CACNA1C: variants seen among roughly 807,000 people sequenced by gnomAD.
CACNA1C encodes the protein calcium voltage-gated channel subunit alpha1 C.
CACNA1C carries 30 observed loss-of-function variants against 229.0 expected under a neutral mutation model. That is an observed-to-expected ratio of 0.13 (90% CI 0.10 to 0.18). The LOEUF (loss-of-function observed/expected upper bound fraction) is 0.18, where lower values mean the gene tolerates loss of function less well. CACNA1C is among the 10% of genes least tolerant of loss of function. The pLI is 1.00. For missense variants in CACNA1C, 1,658 were observed against 2,845.0 expected, an observed-to-expected ratio of 0.58 and a Z score of 9.49; for synonymous variants, 1,114 against 1,132.5, an observed-to-expected ratio of 0.98 and a Z score of 0.33.
intron 3 of CACNA1C, among the ~76,000 whole-genome samples, chr12:2,378,834 CT>C (rs939047912): frequency 1.3e-5 from 2 of 151,824 alleles, no homozygotes; most frequent in African/African-American, 4.8e-5. Flanking sequence ...CTCTTTCCTT[CT>C]TTTTTTCTTT....
At chr12:2,202,322 A>C in intron 3 of CACNA1C, among the ~76,000 whole-genome samples, 1 of 152,074 alleles carries the variant, frequency 6.6e-6, no homozygotes. Flanking sequence ...ACAGGCTCTT[A>C]CTTTGTGTCT....
At chr12:2,405,973 T>G (rs1306371718) in intron 3 of CACNA1C, among the ~76,000 whole-genome samples, 1 of 152,208 alleles carries the variant, frequency 6.6e-6, no homozygotes, top group Non-Finnish European at 1.5e-5. Context: ...TTAGTTTTCT[T>G]TCATCTGTGA....
chr12:2,282,190 T>C (rs1472793820), intron 3 of CACNA1C, among the ~76,000 whole-genome samples: 1 of 152,146 alleles, frequency 6.6e-6, no homozygotes, highest in Non-Finnish European at 1.5e-5. Flanking sequence ...GATTGGAGAT[T>C]CTGGAGGGAG....
chr12:2,463,219 A>AT (rs2099526846), intron 5 of CACNA1C, among the ~76,000 whole-genome samples: 1 of 152,306 alleles, frequency 6.6e-6, no homozygotes, highest in South Asian at 2.1e-4. Context: ...TAAAAGTTGC[A>AT]TTTTTTAAAT....
chr12:2,649,288 C>T lies in CACNA1C; in HGVS notation c.3945+781C>T, dbSNP rs557267498. Among the ~76,000 whole-genome samples the T allele has an allele frequency of 1.3e-3, 197 of 152,290 alleles. No homozygotes were observed. Among genetic ancestry groups the T allele is most frequent in the Middle Eastern group, 3.4e-3 (1 of 294 alleles). On this transcript the variant is annotated intron_variant, in intron 31 of 46. Transcript: ENST00000399655. This position sits in a 1 kb window ranked among gnomAD's most constrained non-coding sequence, Gnocchi z 4.4. ...GGCCCAGCCGCCTCCAAAAGGCTGC[C>T]GTTATGCATTTCTAACCGGGCCAAG...
intron 1 of CACNA1C, among the ~76,000 whole-genome samples, chr12:2,008,421 G>A (rs1472094081): frequency 2.0e-5 from 3 of 152,102 alleles, no homozygotes; most frequent in East Asian, 3.8e-4. Context: ...TGTAGTGATG[G>A]GGTCTCACTA....
At chr12:2,019,686 T>C (rs2046097645) in intron 1 of CACNA1C, among the ~76,000 whole-genome samples, 1 of 152,214 alleles carries the variant, frequency 6.6e-6, no homozygotes, top group Non-Finnish European at 1.5e-5. Flanking sequence ...GAGAGGATAC[T>C]GTTAACTATA....
intron 1 of CACNA1C, among the ~76,000 whole-genome samples, chr12:2,030,615 G>C (rs1240184574): frequency 1.3e-5 from 2 of 152,210 alleles, no homozygotes; most frequent in Admixed American, 6.5e-5. Context: ...CTGTGTTCTA[G>C]TTCCTTAGGT....
intron 3 of CACNA1C, among the ~76,000 whole-genome samples, chr12:2,398,193 G>A (rs1429743591): frequency 6.6e-6 from 1 of 152,208 alleles, no homozygotes; most frequent in Non-Finnish European, 1.5e-5. Flanking sequence ...GAGTTCCACT[G>A]TTCTTGGGCA....
At chr12:2,100,472 A>C (rs968958338) in intron 1 of CACNA1C, among the ~76,000 whole-genome samples, 6 of 67,266 alleles carry the variant, frequency 8.9e-5, no homozygotes, top group Non-Finnish European at 2.3e-4. Flanking sequence ...ATCTCAAAAA[A>C]AAAAAAACAA....
Position 2,115,276 on chromosome 12 carries a change from G to T in CACNA1C, c.102G>T (p.Ala34=). The change falls in exon 2 of 47, where the codon GCG becomes GCT. Residue 34 remains alanine, a synonymous_variant. Coordinates refer to ENST00000399655, the MANE Select transcript of CACNA1C (RefSeq NM_000719.7). ...CCCATGCCAACATGAATGCCAATGC[G>T]GCAGCGGGGCTGGCCCCTGAGCACA... The part of the protein sequence containing the change: ...RPAHANMNAN[A]AAGLAPEHIP... The T allele has an allele frequency of 1.3e-6, 2 of 1,590,368 alleles. No individual in the cohort carries two copies. The highest frequency in any genetic ancestry group is 1.7e-6 in the Non-Finnish European group (2 of 1,168,378).
At chr12:2,596,807 C>T (rs1211582451) in intron 20 of CACNA1C, among the ~76,000 whole-genome samples, 1 of 152,178 alleles carries the variant, frequency 6.6e-6, no homozygotes, top group African/African-American at 2.4e-5. Context: ...CTCAGTCCCA[C>T]CAACGTGAGC....
At chr12:2,419,781 G>A (rs1002984849) in intron 3 of CACNA1C, among the ~76,000 whole-genome samples, 3 of 152,192 alleles carry the variant, frequency 2.0e-5, no homozygotes, top group South Asian at 2.1e-4. Context: ...TCTCAAGGGT[G>A]TATGTGGCCT....
At chr12:2,259,806 C>T (rs977696279) in intron 3 of CACNA1C, among the ~76,000 whole-genome samples, 36 of 152,250 alleles carry the variant, frequency 2.4e-4, no homozygotes, top group African/African-American at 2.6e-4. Flanking sequence ...CATGGTGGCA[C>T]GTGCCTTTGG....
At position 2,693,180 on chromosome 12, in the gene CACNA1C, T is replaced by A. The variant is rs1321144486; in HGVS notation, c.*1981T>A. On this transcript the variant is annotated 3_prime_UTR_variant, in exon 47 of 47. Coordinates refer to ENST00000399655, the MANE Select transcript of CACNA1C (RefSeq NM_000719.7). Reference sequence around the variant, plus strand: ...CTGTGAGAGACCAGGACCTATTTTATTCCAGTCTTCACTCTGTCCACTCTG... The same window carrying A: ...CTGTGAGAGACCAGGACCTATTTTAATCCAGTCTTCACTCTGTCCACTCTG... 1 of 152,222 alleles carries A rather than the reference T, an allele frequency of 6.6e-6. No homozygotes were observed. Among genetic ancestry groups the A allele is most frequent in the African/African-American group, 2.4e-5 (1 of 41,454 alleles). The allele number at this position is 152,222 out of a possible 1,614,324, so 9.4% of individuals were successfully genotyped here. A position where few individuals can be genotyped will look rare whatever the true frequency, so the allele number is the denominator to read the frequency against.
chr12:2,352,029 G>A (rs2097215912), intron 3 of CACNA1C, among the ~76,000 whole-genome samples: 2 of 152,202 alleles, frequency 1.3e-5, no homozygotes, highest in South Asian at 2.1e-4. Context: ...TGTGTTGGTT[G>A]AAACGTCAGG....
intron 3 of CACNA1C, among the ~76,000 whole-genome samples, chr12:2,328,224 A>G (rs1299652314): frequency 2.0e-5 from 3 of 152,162 alleles, no homozygotes; most frequent in Non-Finnish European, 4.4e-5. Context: ...AATTTCCTGG[A>G]TGCCCCAGTT....
chr12:2,383,494 C>A (rs1459865328), intron 3 of CACNA1C, among the ~76,000 whole-genome samples: 1 of 152,110 alleles, frequency 6.6e-6, no homozygotes, highest in Non-Finnish European at 1.5e-5. Flanking sequence ...TCAGCTTCAA[C>A]CCTACGATAA....
At chr12:2,163,498 A>G (rs2096026025) in intron 3 of CACNA1C, among the ~76,000 whole-genome samples, 1 of 152,064 alleles carries the variant, frequency 6.6e-6, no homozygotes, top group Non-Finnish European at 1.5e-5. Context: ...GCCTAGGAAC[A>G]AGATGTGTGA....
Sources: allele counts gnomAD v4.1 joint callset (sites outside exome capture counted in the v4.1 genomes callset), GRCh38; gene constraint gnomAD v4.1.1; non-coding constraint Gnocchi (gnomAD v3.1); transcripts MANE v1.5; gene names NCBI Gene and HGNC (gene_info 2026-07-23, HGNC 2026-07-21).